DPP6: variants seen among roughly 807,000 people sequenced by gnomAD.
DPP6 encodes A-type potassium channel modulatory protein DPP6.
DPP6 carries 69 observed loss-of-function variants against 122.6 expected under a neutral mutation model. That is an observed-to-expected ratio of 0.56 (90% CI 0.46 to 0.69). The LOEUF (loss-of-function observed/expected upper bound fraction) is 0.69, where lower values mean the gene tolerates loss of function less well. DPP6 is among the 30% of genes least tolerant of loss of function. The pLI, the probability that DPP6 is intolerant of heterozygous loss-of-function variation, is 0.00. For synonymous variants in DPP6, 418 were observed against 433.1 expected (o/e 0.97, Z 0.43); for missense variants, 928 against 1,116.9 (o/e 0.83, Z 2.41).
intron 1 of DPP6, among the ~76,000 whole-genome samples, chr7:154,017,284 G>A (rs540279322): frequency 6.6e-6 from 1 of 152,144 alleles, no homozygotes; most frequent in Non-Finnish European, 1.5e-5. Context: ...CCCTGGCTGA[G>A]CTTGAACTCC....
the DPP6 span, among the ~76,000 whole-genome samples, chr7:153,846,218 G>T: frequency 1.1e-4 from 17 of 152,264 alleles, 1 homozygote; most frequent in Admixed American, 9.8e-4. Flanking sequence ...AACTTATAAT[G>T]TCAAGCAGCT....
At chr7:153,766,783 T>C in the DPP6 span, among the ~76,000 whole-genome samples, 1 of 152,166 alleles carries the variant, frequency 6.6e-6, no homozygotes, top group South Asian at 2.1e-4. Flanking sequence ...ATCTGTATCA[T>C]TATAAAAACA....
intron 1 of DPP6, chr7:153,887,845 C>A: frequency 8.2e-7 from 1 of 1,214,226 alleles, no homozygotes; most frequent in Non-Finnish European, 1.1e-6. Context: ...GGACAGCGAC[C>A]CCATGCCCGC....
chr7:154,810,477 G>A (rs1046609642), intron 16 of DPP6, among the ~76,000 whole-genome samples: 16 of 152,200 alleles, frequency 1.1e-4, no homozygotes, highest in African/African-American at 3.6e-4. Flanking sequence ...CTCCTGTGCG[G>A]ATTTCTAGTC....
chr7:154,308,421 T>TGCA (rs1806564422), intron 1 of DPP6, among the ~76,000 whole-genome samples: 3 of 152,240 alleles, frequency 2.0e-5, no homozygotes, highest in African/African-American at 7.2e-5. Context: ...GGGAGACTAT[T>TGCA]TCTCTTTCTC....
rs527374019 is a variant in DPP6, at chr7:154,833,070, T to C, written c.1667-20710T>C. ...CTGAAGTCTAGGAAAATGAATCCCATTGGGAAACCAGTCAAGGGACCCAAG... is the reference window on the plus strand; with the variant it reads ...CTGAAGTCTAGGAAAATGAATCCCACTGGGAAACCAGTCAAGGGACCCAAG... On this transcript the variant is annotated intron_variant, in intron 16 of 25. Transcript: ENST00000377770. This position sits in a 1 kb window ranked among gnomAD's most constrained non-coding sequence, Gnocchi z 4.3. Among the ~76,000 whole-genome samples the C allele has an allele frequency of 3.3e-4, 51 of 152,280 alleles. No individual in the cohort carries two copies. Among genetic ancestry groups the C allele is most frequent in the Middle Eastern group, 3.4e-3 (1 of 294 alleles).
At chr7:154,016,130 T>A (rs368247414) in intron 1 of DPP6, among the ~76,000 whole-genome samples, 14 of 152,266 alleles carry the variant, frequency 9.2e-5, no homozygotes, top group African/African-American at 2.6e-4. Flanking sequence ...AGCCCCATGA[T>A]ACCTCCGCAG....
At chr7:154,641,823 A>G (rs1202785473) in intron 6 of DPP6, among the ~76,000 whole-genome samples, 4 of 152,226 alleles carry the variant, frequency 2.6e-5, no homozygotes, top group Admixed American at 6.5e-5. Flanking sequence ...TGGCAAACTC[A>G]GAACTGTAAT....
intron 1 of DPP6, among the ~76,000 whole-genome samples, chr7:153,977,506 T>C (rs1399817238): frequency 1.3e-5 from 2 of 152,214 alleles, no homozygotes; most frequent in Admixed American, 6.5e-5. Context: ...GTACCCGAGC[T>C]GTTTATCTTT....
the DPP6 span, among the ~76,000 whole-genome samples, chr7:153,818,017 A>C: frequency 6.6e-6 from 1 of 152,046 alleles, no homozygotes; most frequent in South Asian, 2.1e-4. Context: ...AGCCCATAGA[A>C]CAAAAGTTTG....
At chr7:154,394,358 T>A (rs2151171587) in intron 1 of DPP6, among the ~76,000 whole-genome samples, 1 of 152,310 alleles carries the variant, frequency 6.6e-6, no homozygotes. Context: ...TGAGCATCAT[T>A]TCATATGCTA....
Position 154,727,849 on chromosome 7 carries a change from G to A in DPP6, c.845G>A (p.Gly282Asp). ...CGTGTGGTCTCCACTGGCAAGGAAG[G>A]TGTGATTTACAATGGCCTCAGTGAC... Reference protein sequence around the residue: ...AIRVVSTGKEGVIYNGLSDWL... With the variant: ...AIRVVSTGKEDVIYNGLSDWL... The change falls in exon 8 of 26, where the codon GGT becomes GAT. Residue 282 changes from glycine (G) to aspartate (D), a missense_variant. Gly to Asp is a moderately conservative substitution (Grantham distance 94). Coordinates refer to ENST00000377770, the MANE Select transcript of DPP6 (RefSeq NM_130797.4). 1.2e-6 allele frequency: 2 copies of A among 1,613,838 alleles called. No individual in the cohort carries two copies. The highest frequency in any genetic ancestry group is 2.2e-5 in the South Asian group (2 of 91,056).
chr7:153,980,939 C>T (rs1373597174), intron 1 of DPP6, among the ~76,000 whole-genome samples: 2 of 152,228 alleles, frequency 1.3e-5, no homozygotes, highest in East Asian at 3.9e-4. Flanking sequence ...CGTTCTTTTG[C>T]ATTTGCTGAG....
intron 1 of DPP6, among the ~76,000 whole-genome samples, chr7:154,388,628 C>T (rs947845199): frequency 6.6e-6 from 1 of 152,040 alleles, no homozygotes; most frequent in African/African-American, 2.4e-5. Context: ...TGCCCTGATG[C>T]CCAGGCCAGC....
At chr7:153,749,350 G>C in the DPP6 span, among the ~76,000 whole-genome samples, 1 of 152,098 alleles carries the variant, frequency 6.6e-6, no homozygotes, top group Admixed American at 6.5e-5. The surrounding 1 kb of genome is among the most constrained non-coding windows in gnomAD (Gnocchi z 4.1). Flanking sequence ...AGAAGAGGTC[G>C]GCGTTGGGAG....
intron 5 of DPP6, among the ~76,000 whole-genome samples, chr7:154,598,316 A>G (rs1833224545): frequency 6.6e-6 from 1 of 152,364 alleles, no homozygotes; most frequent in South Asian, 2.1e-4. Flanking sequence ...TGGAAGGTAA[A>G]AAAGACAATT....
At chr7:154,370,805 T>C (rs1185100216) in intron 1 of DPP6, among the ~76,000 whole-genome samples, 1 of 152,244 alleles carries the variant, frequency 6.6e-6, no homozygotes, top group African/African-American at 2.4e-5. Context: ...GTTTCACCTA[T>C]ACTTAATGTA....
intron 6 of DPP6, among the ~76,000 whole-genome samples, chr7:154,649,066 G>A (rs1836699937): frequency 6.6e-6 from 1 of 152,140 alleles, no homozygotes; most frequent in Non-Finnish European, 1.5e-5. Context: ...ACCCAGGCGA[G>A]CGCTGCCATG....
chr7:154,334,168 T>C (rs747607178), intron 1 of DPP6, among the ~76,000 whole-genome samples: 1 of 145,984 alleles, frequency 6.9e-6, no homozygotes, highest in Non-Finnish European at 1.5e-5. Flanking sequence ...TGTTATTCGT[T>C]TAAAAACATA....
Sources: gnomAD v4.1 joint callset for allele counts (sites outside exome capture counted in the v4.1 genomes callset) on GRCh38, gnomAD v4.1.1 for gene constraint, Gnocchi (gnomAD v3.1) non-coding constraint, MANE v1.5 for transcripts, NCBI Gene and HGNC (gene_info 2026-07-23, HGNC 2026-07-21) for gene names.